The following DROSHA variants were observed in gnomAD, a reference collection of about 807,000 sequenced individuals.
The protein encoded by DROSHA is drosha ribonuclease III.
DROSHA carries 56 observed loss-of-function variants against 181.9 expected under a neutral mutation model. The observed-to-expected ratio is 0.31, with a 90% CI of 0.25 to 0.38. The LOEUF (loss-of-function observed/expected upper bound fraction) is 0.38, where lower values mean the gene tolerates loss of function less well. DROSHA is among the 10% of genes least tolerant of loss of function. The pLI is 1.00. For missense variants in DROSHA, 1,218 were observed against 1,743.5 expected (o/e 0.70, Z 5.37); for synonymous variants, 524 against 591.2 (o/e 0.89, Z 1.65).
intron 23 of DROSHA, among the ~76,000 whole-genome samples, chr5:31,444,390 A>T (rs891822508): frequency 2.0e-5 from 3 of 152,240 alleles, no homozygotes; most frequent in African/African-American, 7.2e-5. Context: ...TTATTTGTTT[A>T]TTCTCTGTCA....
chr5:31,486,684 C>A, intron 13 of DROSHA, 122 bp from the exon 14 acceptor site: 1 of 712,256 alleles, frequency 1.4e-6, no homozygotes. Flanking sequence ...TTCATCTCAG[C>A]GGCTAACAAC....
chr5:31,403,094 A>G (rs1487076207), intron 35 of DROSHA, among the ~76,000 whole-genome samples: 2 of 152,240 alleles, frequency 1.3e-5, no homozygotes, highest in East Asian at 3.9e-4. Flanking sequence ...TTAAACAAAA[A>G]AAGAACATGA....
chr5:31,474,271 C>T (rs957457275), intron 16 of DROSHA, among the ~76,000 whole-genome samples: 1 of 152,158 alleles, frequency 6.6e-6, no homozygotes, highest in Non-Finnish European at 1.5e-5. Flanking sequence ...AAAGCAACTG[C>T]CTTAAATGCA....
chr5:31,426,089 G>A lies in DROSHA; in HGVS notation c.3217-1618C>T, dbSNP rs140890860. Among the ~76,000 whole-genome samples the A allele has an allele frequency of 2.9e-3, 441 of 151,774 alleles. 3 individuals carry two copies. The highest frequency in any genetic ancestry group is 9.5e-3 in the African/African-American group (394 of 41,362). On this transcript the variant is annotated intron_variant, in intron 27 of 35. Transcript: ENST00000344624. The stretch of plus-strand genomic sequence containing the variant: ...TTCTATCACCTTCATGTCTTATACC[G>A]AAACAAGACTGTGATTCCTCCTTTC...
At chr5:31,404,737 T>A (rs900759747) in intron 35 of DROSHA, among the ~76,000 whole-genome samples, 4 of 152,060 alleles carry the variant, frequency 2.6e-5, no homozygotes, top group African/African-American at 9.7e-5. Context: ...AACCCACGCA[T>A]CCCACTCCTG....
chr5:31,486,801 A>G (rs769745090), intron 13 of DROSHA: 9 of 381,284 alleles, frequency 2.4e-5, no homozygotes, highest in East Asian at 9.0e-5. Context: ...TAACAGTATT[A>G]GCAGCAGCAA....
chr5:31,451,564 C>T lies in DROSHA; in HGVS notation c.2651G>A (p.Gly884Glu). ...QCLMHLDKLI[G>E]YTFQDRCLLQ... ...CAGACAACGATCTTGGAAAGTATAT[C>T]CTATCAACTTGTCCAAATGCATTAG... The change falls in exon 21 of 36, where the codon GGA (glycine) becomes GAA (glutamate). Residue 884 changes from glycine (G) to glutamate (E), a missense_variant. This residue lies in a region of DROSHA where 460 missense variants were observed against 774.2 expected (regional missense o/e 0.59). Coordinates refer to ENST00000344624, the MANE Select transcript of DROSHA (RefSeq NM_001382508.1). The T allele has an allele frequency of 6.2e-7, 1 of 1,612,378 alleles. No homozygotes were observed. Among genetic ancestry groups the T allele is most frequent in the Non-Finnish European group, 8.5e-7 (1 of 1,179,236 alleles).
intron 30 of DROSHA, among the ~76,000 whole-genome samples, chr5:31,416,783 G>A (rs915847902): frequency 6.6e-6 from 1 of 152,178 alleles, no homozygotes; most frequent in Non-Finnish European, 1.5e-5. Context: ...GGCTGGGCAG[G>A]CGGGCAAGGC....
Position 31,514,731 on chromosome 5 carries a change from T to C in DROSHA, c.1290+257A>G, listed in dbSNP as rs1739087687. ...GCTTTTAGCTTTTTAAAACGGCTTT[T>C]GTCTGTAACAGTGATTCTCAACTGG... is the stretch of plus-strand genomic sequence containing the variant. On this transcript the variant is annotated intron_variant, in intron 8 of 35. Coordinates refer to ENST00000344624, the MANE Select transcript of DROSHA (RefSeq NM_001382508.1). The surrounding 1 kb of genome is among the most constrained non-coding windows in gnomAD (Gnocchi z 4.4). Among the ~76,000 whole-genome samples the C allele has an allele frequency of 6.6e-6, 1 of 152,262 alleles. No homozygotes were observed. The highest frequency in any genetic ancestry group is 1.5e-5 in the Non-Finnish European group (1 of 68,048).
chr5:31,531,624 C>G (rs917009701), intron 1 of DROSHA, 99 bp from the exon 2 acceptor site: 1 of 152,198 alleles, frequency 6.6e-6, no homozygotes, highest in African/African-American at 2.4e-5. Context: ...CCAGGTGGAT[C>G]TGCAGGGCAG....
At chr5:31,486,651 G>T in intron 13 of DROSHA, 89 bp from the exon 14 acceptor site, 1 of 1,104,458 alleles carries the variant, frequency 9.1e-7, no homozygotes, top group Non-Finnish European at 1.3e-6. Context: ...AAAAGGCCAT[G>T]AACCAAATGA....
intron 23 of DROSHA, among the ~76,000 whole-genome samples, chr5:31,441,838 T>C (rs1041017917): frequency 6.6e-6 from 1 of 152,236 alleles, no homozygotes; most frequent in South Asian, 2.1e-4. Flanking sequence ...GGCACAGGCT[T>C]TATCTTCTTC....
intron 12 of DROSHA, 130 bp from the exon 13 acceptor site, chr5:31,493,423 T>A (rs2150043250): frequency 1.5e-6 from 1 of 667,698 alleles, no homozygotes; most frequent in Non-Finnish European, 2.3e-6. Flanking sequence ...GAGAACTTTA[T>A]ACAAAGTTTA....
intron 16 of DROSHA, among the ~76,000 whole-genome samples, chr5:31,475,812 A>T (rs763384117): frequency 2.1e-4 from 32 of 152,142 alleles, no homozygotes; most frequent in Non-Finnish European, 4.1e-4. Context: ...GGAGGGAGTA[A>T]ATATACACAG....
chr5:31,444,468 C>T (rs2059158), intron 23 of DROSHA, among the ~76,000 whole-genome samples: 37 of 152,262 alleles, frequency 2.4e-4, no homozygotes, highest in Admixed American at 4.6e-4. Flanking sequence ...CCTTCTGCCA[C>T]GGTAAGAAAG....
chr5:31,521,395 A>G (rs1400425515), intron 5 of DROSHA, among the ~76,000 whole-genome samples, 180 bp from the exon 6 acceptor site: 1 of 152,200 alleles, frequency 6.6e-6, no homozygotes, highest in East Asian at 1.9e-4. Context: ...TTTTCACTTT[A>G]CAGAAGTTAA....
chr5:31,467,556 T>A (rs539010025), intron 18 of DROSHA: 2 of 152,366 alleles, frequency 1.3e-5, no homozygotes, highest in East Asian at 3.9e-4. Context: ...AAAAGAGAAC[T>A]CTGCATAAAT....
chr5:31,504,638 G>A lies in DROSHA; in HGVS notation c.1588-3C>T, dbSNP rs1196703670. 2.5e-6 allele frequency: 4 copies of A among 1,613,726 alleles called. No homozygotes were observed. The highest frequency in any genetic ancestry group is 3.4e-6 in the Non-Finnish European group (4 of 1,179,840). ...TTGCAGAGTGGTCCATCATTCATCT[G>A]TCAGAAACACAATGTAATTCGTTTT... On this transcript the variant is annotated splice_region_variant and splice_polypyrimidine_tract_variant and intron_variant, in intron 10 of 35. Transcript: ENST00000344624.
chr5:31,478,632 G>A lies in DROSHA; in HGVS notation c.2071+4922C>T, dbSNP rs570590014. 2.0e-5 allele frequency among the ~76,000 whole-genome samples: 3 copies of A among 152,290 alleles called. No individual in the cohort carries two copies. The East Asian group carries it at 5.8e-4, about 29-fold the overall frequency. On this transcript the variant is annotated intron_variant, in intron 16 of 35. Coordinates refer to ENST00000344624, the MANE Select transcript of DROSHA (RefSeq NM_001382508.1). Reference sequence around the variant, plus strand: ...CCCTGTAATCTCAGCAACTTGGGAGGCTGAGGCAAGAGAATCGCTTGAACC... The same window carrying A: ...CCCTGTAATCTCAGCAACTTGGGAGACTGAGGCAAGAGAATCGCTTGAACC...
Sources: allele counts gnomAD v4.1 joint callset (sites outside exome capture counted in the v4.1 genomes callset), GRCh38; gene constraint gnomAD v4.1.1; regional missense constraint gnomAD v4.1.1; non-coding constraint Gnocchi (gnomAD v3.1); transcripts MANE v1.5; gene names NCBI Gene and HGNC (gene_info 2026-07-23, HGNC 2026-07-21).